ERBB4: variants seen among roughly 807,000 people sequenced by gnomAD.
ERBB4 encodes erb-b2 receptor tyrosine kinase 4.
ERBB4 carries 42 observed loss-of-function variants against 158.0 expected under a neutral mutation model. The observed-to-expected ratio is 0.27, with a 90% CI of 0.21 to 0.34. The LOEUF is 0.34. ERBB4 is among the 10% of genes least tolerant of loss of function. ERBB4 has a pLI of 1.00. For synonymous variants in ERBB4, 583 were observed against 558.7 expected, an observed-to-expected ratio of 1.04 and a Z score of -0.61; for missense variants, 1,333 against 1,624.1, an observed-to-expected ratio of 0.82 and a Z score of 3.08.
In ERBB4 at chr2:211,682,809, T is replaced by C. The variant is rs1312412751; in HGVS notation, c.1490-3625A>G. 2.6e-5 allele frequency among the ~76,000 whole-genome samples: 4 copies of C among 152,110 alleles called. No homozygotes were observed. In the East Asian group the frequency reaches 7.7e-4, roughly 29 times the overall value. ...TAAGCAGCAATCATTGAGGCTTGTT[T>C]TTCTTTATTCCAATCTGATAATCTC... is the stretch of plus-strand genomic sequence containing the variant. On this transcript the variant is annotated intron_variant, in intron 12 of 27. Transcript: ENST00000342788.
intron 1 of ERBB4, among the ~76,000 whole-genome samples, chr2:212,155,759 T>A (rs551328444): frequency 6.6e-6 from 1 of 152,256 alleles, no homozygotes; most frequent in South Asian, 2.1e-4. Flanking sequence ...TATCTGTGTG[T>A]CATCAATAAA....
At chr2:212,368,202 C>A (rs1280793370) in intron 1 of ERBB4, among the ~76,000 whole-genome samples, 1 of 151,892 alleles carries the variant, frequency 6.6e-6, no homozygotes, top group Non-Finnish European at 1.5e-5. Context: ...AATGAATGGA[C>A]AATGAAATTG....
chr2:212,290,142 G>A (rs561124837), intron 1 of ERBB4, among the ~76,000 whole-genome samples: 1 of 152,156 alleles, frequency 6.6e-6, no homozygotes, highest in South Asian at 2.1e-4. Context: ...TCTCATATTT[G>A]TATTCTTTTA....
chr2:211,380,108 T>G lies in ERBB4; in HGVS notation c.*3507A>C, dbSNP rs1456130553. On this transcript the variant is annotated 3_prime_UTR_variant, in exon 28 of 28. Transcript: ENST00000342788. Reference sequence around the variant, plus strand: ...TCTACAAAAAAGAATCACTTGATTTTAGTTTGTGTGTTTTAATAGAAATTT... The same window carrying G: ...TCTACAAAAAAGAATCACTTGATTTGAGTTTGTGTGTTTTAATAGAAATTT... 1.3e-5 allele frequency: 3 copies of G among 232,092 alleles called. No individual in the cohort carries two copies. Among genetic ancestry groups the G allele is most frequent in the African/African-American group, 4.4e-5 (2 of 45,278 alleles). 14.4% of individuals were successfully genotyped at this position (232,092 alleles called of 1,614,324 possible).
intron 14 of ERBB4, among the ~76,000 whole-genome samples, chr2:211,666,584 A>G (rs2071637438): frequency 6.6e-6 from 1 of 152,208 alleles, no homozygotes; most frequent in African/African-American, 2.4e-5. Context: ...CAGAGCAAAG[A>G]AAATTTAGAA....
At chr2:211,661,027 G>T (rs185169532) in intron 15 of ERBB4, among the ~76,000 whole-genome samples, 59 of 152,214 alleles carry the variant, frequency 3.9e-4, no homozygotes, top group African/African-American at 1.3e-3. Flanking sequence ...ATTGGAGATA[G>T]AAAAATAGAG....
chr2:211,692,901 G>A (rs2072876030), intron 12 of ERBB4, among the ~76,000 whole-genome samples: 1 of 152,146 alleles, frequency 6.6e-6, no homozygotes, highest in Non-Finnish European at 1.5e-5. Flanking sequence ...GGCAAGGTTA[G>A]ACATGTGTAA....
chr2:212,526,687 A>C (rs1014763112), intron 1 of ERBB4, among the ~76,000 whole-genome samples: 4 of 152,002 alleles, frequency 2.6e-5, no homozygotes, highest in Non-Finnish European at 5.9e-5. Flanking sequence ...AAAGATCTAC[A>C]CTCTCTATTA....
At chr2:211,852,635 A>ATTTTTT (rs1340548969) in intron 3 of ERBB4, among the ~76,000 whole-genome samples, 1 of 83,100 alleles carries the variant, frequency 1.2e-5, no homozygotes, top group African/African-American at 3.7e-5. Flanking sequence ...ACAATGGCCA[A>ATTTTTT]CTTTTTTTTT....
At chr2:211,845,698 A>G (rs981088915) in intron 3 of ERBB4, among the ~76,000 whole-genome samples, 15 of 152,150 alleles carry the variant, frequency 9.9e-5, no homozygotes, top group Non-Finnish European at 5.9e-5. Flanking sequence ...ATTTTCTGGG[A>G]AAAAAAGAAG....
chr2:211,745,715 G>C, intron 5 of ERBB4, among the ~76,000 whole-genome samples: 1 of 94,464 alleles, frequency 1.1e-5, no homozygotes, highest in Admixed American at 1.2e-4. Flanking sequence ...TCCACCGCCA[G>C]AAAAAAAACA....
chr2:212,401,319 T>A (rs998999383), intron 1 of ERBB4, among the ~76,000 whole-genome samples: 5 of 152,086 alleles, frequency 3.3e-5, no homozygotes, highest in Non-Finnish European at 7.4e-5. Context: ...GAAGATCAAG[T>A]AAGATAATAT....
chr2:211,391,440 T>C (rs2062796586), intron 25 of ERBB4, among the ~76,000 whole-genome samples: 1 of 152,206 alleles, frequency 6.6e-6, no homozygotes, highest in Non-Finnish European at 1.5e-5. Flanking sequence ...TGGGTGCATC[T>C]GTTCAATTAG....
chr2:211,922,651 CT>C (rs2079888670), intron 3 of ERBB4, among the ~76,000 whole-genome samples: 1 of 151,698 alleles, frequency 6.6e-6, no homozygotes, highest in Non-Finnish European at 1.5e-5. Context: ...GTGTTAATTT[CT>C]AAGAAAACAA....
At chr2:211,801,954 A>G (rs2076506692) in intron 3 of ERBB4, among the ~76,000 whole-genome samples, 1 of 152,216 alleles carries the variant, frequency 6.6e-6, no homozygotes, top group Non-Finnish European at 1.5e-5. Flanking sequence ...AACACTAATC[A>G]GATTAGCATA....
chr2:211,492,357 T>C (rs1252712306), intron 20 of ERBB4, among the ~76,000 whole-genome samples: 1 of 152,118 alleles, frequency 6.6e-6, no homozygotes, highest in Non-Finnish European at 1.5e-5. Flanking sequence ...TCTAGTAAAG[T>C]CTTGGATGAA....
At chr2:211,764,996 G>T (rs2075516846) in intron 4 of ERBB4, among the ~76,000 whole-genome samples, 1 of 152,196 alleles carries the variant, frequency 6.6e-6, no homozygotes, top group African/African-American at 2.4e-5. Context: ...TTTGATGTGT[G>T]TGATAAATGA....
chr2:212,071,642 A>C (rs527932593), intron 2 of ERBB4, among the ~76,000 whole-genome samples: 1 of 152,154 alleles, frequency 6.6e-6, no homozygotes, highest in South Asian at 2.1e-4. Context: ...TTCACGAGAA[A>C]GAATACTTTA....
At chr2:212,104,819 G>GA (rs1367308624) in intron 2 of ERBB4, among the ~76,000 whole-genome samples, 2 of 152,112 alleles carry the variant, frequency 1.3e-5, no homozygotes, top group African/African-American at 2.4e-5. Flanking sequence ...TTTCAAAATT[G>GA]AAAAAATAAG....
Sources: gnomAD v4.1 joint callset for allele counts (sites outside exome capture counted in the v4.1 genomes callset) on GRCh38, gnomAD v4.1.1 for gene constraint, MANE v1.5 for transcripts, NCBI Gene and HGNC (gene_info 2026-07-23, HGNC 2026-07-21) for gene names.